Variants in ADGRV1 observed in about 807,000 individuals in gnomAD.
ADGRV1 encodes the protein adhesion G protein-coupled receptor V1.
Under a neutral mutation model 596.2 loss-of-function variants are expected in ADGRV1, and 359 were observed. That is an observed-to-expected ratio of 0.60 (90% confidence interval 0.55 to 0.66). The LOEUF (loss-of-function observed/expected upper bound fraction) is 0.66, where lower values mean the gene tolerates loss of function less well. ADGRV1 is among the 30% of genes least tolerant of loss of function. ADGRV1 has a pLI of 0.00. For missense variants in ADGRV1, 7,274 were observed against 7,575.6 expected, an observed-to-expected ratio of 0.96 and a Z score of 1.48; for synonymous variants, 2,681 against 2,679.2, an observed-to-expected ratio of 1.00 and a Z score of -0.02.
intron 74 of ADGRV1, among the ~76,000 whole-genome samples, chr5:90,814,553 C>T (rs911361422): frequency 1.3e-5 from 2 of 151,898 alleles, no homozygotes; most frequent in Non-Finnish European, 2.9e-5. Context: ...GCAGTTTCCC[C>T]CATGCTGTTC....
intron 85 of ADGRV1, among the ~76,000 whole-genome samples, chr5:91,043,225 C>T (rs1242433502): frequency 6.6e-6 from 1 of 152,162 alleles, no homozygotes. Flanking sequence ...TGTCTGGATA[C>T]AAATCCATTT....
intron 74 of ADGRV1, among the ~76,000 whole-genome samples, chr5:90,815,227 G>A (rs1401215973): frequency 6.6e-6 from 1 of 152,104 alleles, no homozygotes; most frequent in Non-Finnish European, 1.5e-5. Context: ...TTCTGTTCTC[G>A]GAGCTGGGGA....
At chr5:91,123,150 A>G (rs1416022988) in intron 87 of ADGRV1, among the ~76,000 whole-genome samples, 1 of 152,204 alleles carries the variant, frequency 6.6e-6, no homozygotes, top group Non-Finnish European at 1.5e-5. Flanking sequence ...AGTGAAAAAG[A>G]TGATTATCTC....
intron 1 of ADGRV1, among the ~76,000 whole-genome samples, chr5:90,572,754 C>T (rs188543324): frequency 3.3e-5 from 5 of 152,052 alleles, no homozygotes; most frequent in African/African-American, 7.2e-5. Flanking sequence ...CCGTAGGATA[C>T]GTGTTTTGGG....
intron 83 of ADGRV1, among the ~76,000 whole-genome samples, chr5:90,923,705 G>C (rs1774111387): frequency 6.6e-6 from 1 of 152,014 alleles, no homozygotes; most frequent in African/African-American, 2.4e-5. Flanking sequence ...ATGTATACAT[G>C]TGCCATGCTG....
intron 83 of ADGRV1, among the ~76,000 whole-genome samples, chr5:90,918,798 C>A (rs921533346): frequency 6.6e-6 from 1 of 152,268 alleles, no homozygotes; most frequent in South Asian, 2.1e-4. Context: ...TATGTTACTA[C>A]AACCAAGGCC....
At chr5:91,059,187 A>G (rs1328549544) in intron 85 of ADGRV1, among the ~76,000 whole-genome samples, 14 of 151,956 alleles carry the variant, frequency 9.2e-5, no homozygotes, top group African/African-American at 2.2e-4. Context: ...ACATGTATTC[A>G]CTCATTTGGT....
intron 48 of ADGRV1, among the ~76,000 whole-genome samples, chr5:90,728,372 A>G (rs1221714227): frequency 6.6e-6 from 1 of 152,144 alleles, no homozygotes; most frequent in Admixed American, 6.5e-5. Context: ...CCTGCTGTCA[A>G]CAACCCTTAC....
chr5:90,950,759 A>C (rs1776991797), intron 83 of ADGRV1, among the ~76,000 whole-genome samples: 1 of 152,256 alleles, frequency 6.6e-6, no homozygotes, highest in Admixed American at 6.5e-5. Context: ...GGAGTACTTT[A>C]GTTGAAGGGG....
At chr5:90,820,263 T>G (rs1190219164) in intron 75 of ADGRV1, among the ~76,000 whole-genome samples, 376 of 145,948 alleles carry the variant, frequency 2.6e-3, no homozygotes, top group African/African-American at 9.4e-3. Flanking sequence ...GTTTTCCATT[T>G]GCTTGGTAGA....
At chr5:90,957,570 A>G (rs1463615973) in intron 83 of ADGRV1, among the ~76,000 whole-genome samples, 1 of 147,966 alleles carries the variant, frequency 6.8e-6, no homozygotes, top group East Asian at 2.0e-4. Flanking sequence ...ATATATATAT[A>G]TATTACATAT....
intron 83 of ADGRV1, among the ~76,000 whole-genome samples, chr5:90,928,735 G>A (rs1434085769): frequency 6.6e-6 from 1 of 151,452 alleles, no homozygotes; most frequent in African/African-American, 2.4e-5. Context: ...CCGTTTTTCT[G>A]TTCTGTTTTT....
chr5:90,672,989 T>C, intron 22 of ADGRV1: 1 of 357,056 alleles, frequency 2.8e-6, no homozygotes, highest in Non-Finnish European at 5.0e-6. Flanking sequence ...TGGATCTGTC[T>C]CCTATGATAG....
intron 84 of ADGRV1, among the ~76,000 whole-genome samples, chr5:90,975,455 T>A (rs1779476231): frequency 6.6e-6 from 1 of 152,184 alleles, no homozygotes; most frequent in Admixed American, 6.6e-5. Context: ...CTCACCCAAA[T>A]GTCCATCAGT....
intron 87 of ADGRV1, among the ~76,000 whole-genome samples, chr5:91,120,196 G>T (rs1793187388): frequency 2.0e-5 from 3 of 152,188 alleles, no homozygotes; most frequent in Non-Finnish European, 4.4e-5. Context: ...TGTAAAGAGG[G>T]ATGAAGGGAG....
chr5:90,720,871 A>G (rs2149771009), intron 44 of ADGRV1, 64 bp from the exon 45 acceptor site: 1 of 1,356,708 alleles, frequency 7.4e-7, no homozygotes, highest in South Asian at 1.5e-5. Context: ...GCAATATGAT[A>G]TATATTTCAA....
At position 90,628,704 on chromosome 5, in the gene ADGRV1, G is replaced by C. The variant is rs371572468; in HGVS notation, c.1381G>C (p.Gly461Arg). 2.5e-6 allele frequency: 4 copies of C among 1,613,992 alleles called. No individual in the cohort carries two copies. Among genetic ancestry groups the C allele is most frequent in the Non-Finnish European group, 8.5e-7 (1 of 1,179,894 alleles). Residue 461 changes from glycine (G) to arginine (R), a missense_variant, in exon 8 of 90, where the codon GGG (glycine) becomes CGG (arginine). Transcript: ENST00000405460. ...PSSGVLHFAQ[G>R]QMLATIPLTV... ...CTCTGGAGTTCTCCATTTTGCACAAGGGCAGATGTTGGCAACAATTCCTCT... is the reference window on the plus strand; with the variant it reads ...CTCTGGAGTTCTCCATTTTGCACAACGGCAGATGTTGGCAACAATTCCTCT...
chr5:90,965,477 G>A lies in ADGRV1; in HGVS notation c.17919G>A (p.Met5973Ile). 6.2e-7 allele frequency: 1 copy of A among 1,613,764 alleles called. No homozygotes were observed. The highest frequency in any genetic ancestry group is 8.5e-7 in the Non-Finnish European group (1 of 1,179,712). ...PQLAEESCSA[M>I]AAVTHYLYLC... ...TCGCTGAGGAGAGCTGTTCAGCTAT[G>A]GCTGCTGTCACACATTACCTGTATC... The change falls in exon 84 of 90, where the codon ATG becomes ATA. Residue 5973 changes from methionine to isoleucine, a missense_variant. Around this residue, in one of 5 missense-constraint regions of ADGRV1, gnomAD observed 1,874 missense variants for 1,970.2 expected, o/e 0.95. Transcript: ENST00000405460.
At chr5:90,898,667 G>C (rs956276936) in intron 83 of ADGRV1, among the ~76,000 whole-genome samples, 2 of 152,082 alleles carry the variant, frequency 1.3e-5, no homozygotes, top group Non-Finnish European at 2.9e-5. Context: ...AAACTGGCTG[G>C]GTGCGGGGAC....
Sources: gnomAD v4.1 joint callset for allele counts (sites outside exome capture counted in the v4.1 genomes callset) on GRCh38, gnomAD v4.1.1 for gene constraint, gnomAD v4.1.1 regional missense constraint, MANE v1.5 for transcripts, NCBI Gene and HGNC (gene_info 2026-07-23, HGNC 2026-07-21) for gene names.